The following SGK3 variants were observed in gnomAD, a reference collection of about 807,000 sequenced individuals.
The protein encoded by SGK3 is serine/threonine-protein kinase Sgk3.
Under a neutral mutation model 68.5 loss-of-function variants are expected in SGK3, and 47 were observed. The observed-to-expected ratio is 0.69, with a 90% CI of 0.54 to 0.87. The LOEUF (loss-of-function observed/expected upper bound fraction) is 0.87, where lower values mean the gene tolerates loss of function less well. SGK3 is among the 40% of genes least tolerant of loss of function. SGK3 has a pLI of 0.00. For missense variants in SGK3, 479 were observed against 575.5 expected (o/e 0.83, Z 1.72); for synonymous variants, 181 against 189.1 (o/e 0.96, Z 0.35).
At chr8:66,779,562 AT>A (rs398047241) in intron 1 of SGK3, among the ~76,000 whole-genome samples, 5 of 6,928 alleles carry the variant, frequency 7.2e-4, no homozygotes, top group Non-Finnish European at 1.2e-3. Context: ...ATGTGTGTGA[AT>A]ATATATATAT....
Position 66,744,535 on chromosome 8 carries a change from T to G in SGK3, c.-122+31702T>G, listed in dbSNP as rs1328106591. ...TATATATATATTTTTTTTTTTTTTT[T>G]TTTTTTTTTTAGATGGAGTCTCACT... is the stretch of plus-strand genomic sequence containing the variant. On this transcript the variant is annotated intron_variant, in intron 1 of 16. Transcript: ENST00000521198. 1.6e-3 allele frequency among the ~76,000 whole-genome samples: 203 copies of G among 124,830 alleles called. 11 individuals carry two copies. Among genetic ancestry groups the G allele is most frequent in the African/African-American group, 5.4e-3 (186 of 34,560 alleles). The allele number at this position is 124,830 out of a possible 152,430, so 81.9% of individuals were successfully genotyped here.
chr8:66,740,481 T>C (rs981181347), intron 1 of SGK3, among the ~76,000 whole-genome samples: 1 of 152,228 alleles, frequency 6.6e-6, no homozygotes, highest in Non-Finnish European at 1.5e-5. Flanking sequence ...TATTATAATA[T>C]AGTGCAGTTC....
At chr8:66,781,541 A>C (rs186031116) in intron 1 of SGK3, among the ~76,000 whole-genome samples, 32 of 152,264 alleles carry the variant, frequency 2.1e-4, no homozygotes, top group African/African-American at 6.0e-4. Context: ...CCCAGTGTGG[A>C]GAAAACAAAG....
intron 1 of SGK3, among the ~76,000 whole-genome samples, chr8:66,724,998 G>A (rs1202562198): frequency 3.3e-5 from 5 of 152,020 alleles, no homozygotes; most frequent in South Asian, 2.1e-4. Flanking sequence ...AGGCCGAGGC[G>A]GGCGGATCAC....
intron 12 of SGK3, among the ~76,000 whole-genome samples, 168 bp downstream of exon 12, chr8:66,840,415 C>G (rs546256710): frequency 3.3e-5 from 5 of 151,948 alleles, no homozygotes; most frequent in Non-Finnish European, 7.4e-5. Context: ...TGACAGGGTC[C>G]AAGGGGATAG....
chr8:66,725,189 A>C (rs903330644), intron 1 of SGK3, among the ~76,000 whole-genome samples: 2 of 152,082 alleles, frequency 1.3e-5, no homozygotes, highest in African/African-American at 2.4e-5. Context: ...AGATCGTGAC[A>C]CTGCACTCCA....
rs188892317 is a variant in SGK3 at position 66,779,761 on chromosome 8, G to A, written c.-121-13855G>A. On this transcript the variant is annotated intron_variant, in intron 1 of 16. Transcript: ENST00000521198. ...GCATGTTGTCTTTACTAATAACATA[G>A]CCACTGTAAGGTCAGGATTTGAAAT... Among the ~76,000 whole-genome samples the A allele has an allele frequency of 8.9e-4, 133 of 150,130 alleles. 2 individuals are homozygous for A. The highest frequency in any genetic ancestry group is 3.2e-3 in the African/African-American group (131 of 41,068).
intron 1 of SGK3, among the ~76,000 whole-genome samples, chr8:66,760,753 C>G (rs777018147): frequency 1.2e-4 from 19 of 152,254 alleles, no homozygotes; most frequent in Non-Finnish European, 2.2e-4. Context: ...GTTTAGATTG[C>G]ATCTCAAACA....
At chr8:66,780,608 G>T (rs1806932707) in intron 1 of SGK3, among the ~76,000 whole-genome samples, 1 of 152,198 alleles carries the variant, frequency 6.6e-6, no homozygotes, top group Non-Finnish European at 1.5e-5. Flanking sequence ...ATGGGAGAGG[G>T]CTTGGAAGGT....
At chr8:66,796,130 T>TTTTTATTTA (rs1172560755) in intron 2 of SGK3, among the ~76,000 whole-genome samples, 1 of 151,468 alleles carries the variant, frequency 6.6e-6, no homozygotes, top group Non-Finnish European at 1.5e-5. Flanking sequence ...ATCGATAATA[T>TTTTTATTTA]TTTTATTTAT....
intron 1 of SGK3, among the ~76,000 whole-genome samples, chr8:66,756,154 C>CTGTGAGGA (rs1254369043): frequency 6.6e-6 from 1 of 152,102 alleles, no homozygotes; most frequent in South Asian, 2.1e-4. Flanking sequence ...AAGGAAGATG[C>CTGTGAGGA]TGTGAGGACA....
intron 1 of SGK3, among the ~76,000 whole-genome samples, chr8:66,736,516 G>C (rs530271331): frequency 7.5e-4 from 114 of 151,908 alleles, no homozygotes; most frequent in Non-Finnish European, 1.5e-3. Context: ...GGAGTACAGC[G>C]TTGCCATCAT....
chr8:66,802,904 C>T (rs1808006878), intron 3 of SGK3, among the ~76,000 whole-genome samples: 1 of 152,108 alleles, frequency 6.6e-6, no homozygotes, highest in Non-Finnish European at 1.5e-5. Flanking sequence ...CCTAGCCAGC[C>T]CACCAGCCCA....
At position 66,788,146 on chromosome 8, in the gene SGK3, C is replaced by T. The variant is rs79850496; in HGVS notation, c.-121-5470C>T. ...CTTAAATGTGGGTCTAGAAAACTTACAAGAAGGAGGAACAAGCAGTAGGGG... is the reference window on the plus strand; with the variant it reads ...CTTAAATGTGGGTCTAGAAAACTTATAAGAAGGAGGAACAAGCAGTAGGGG... On this transcript the variant is annotated intron_variant, in intron 1 of 16. Coordinates refer to ENST00000521198, the MANE Select transcript of SGK3 (RefSeq NM_001033578.3). Among the ~76,000 whole-genome samples, 34 of 152,264 alleles carry T rather than the reference C, an allele frequency of 2.2e-4. 1 individual carries two copies. The East Asian group carries it at 6.0e-3, about 27-fold the overall frequency.
chr8:66,794,052 G>C (rs1425564591), intron 2 of SGK3, among the ~76,000 whole-genome samples: 1 of 152,036 alleles, frequency 6.6e-6, no homozygotes, highest in Non-Finnish European at 1.5e-5. Flanking sequence ...TTGGAGAATT[G>C]TATGAAACTA....
chr8:66,820,451 C>T (rs1195352877), intron 5 of SGK3, among the ~76,000 whole-genome samples: 4 of 152,072 alleles, frequency 2.6e-5, no homozygotes, highest in Non-Finnish European at 5.9e-5. Context: ...ATCCATTCAT[C>T]TATTGGTGGA....
intron 1 of SGK3, among the ~76,000 whole-genome samples, chr8:66,726,801 TAAAAAAA>T: frequency 1.2e-5 from 1 of 80,984 alleles, no homozygotes; most frequent in African/African-American, 5.8e-5. Context: ...ACCCTGTCTG[TAAAAAAA>T]AAAAAAAAAA....
chr8:66,835,700 G>A (rs1809494573), intron 8 of SGK3, 63 bp from the exon 9 acceptor site: 5 of 1,525,952 alleles, frequency 3.3e-6, no homozygotes, highest in Non-Finnish European at 1.8e-6. Context: ...GTGTTGACAA[G>A]TGAATTATTT....
chr8:66,836,884 G>A (rs537858691), intron 10 of SGK3, among the ~76,000 whole-genome samples: 2 of 149,522 alleles, frequency 1.3e-5, no homozygotes, highest in East Asian at 3.9e-4. Flanking sequence ...TATCTTAAGA[G>A]AATTTTTTAA....
Sources: gnomAD v4.1 joint callset for allele counts (sites outside exome capture counted in the v4.1 genomes callset) on GRCh38, gnomAD v4.1.1 for gene constraint, MANE v1.5 for transcripts, NCBI Gene and HGNC (gene_info 2026-07-23, HGNC 2026-07-21) for gene names.